TENM2: variants seen among roughly 807,000 people sequenced by gnomAD.
TENM2 encodes teneurin-2.
Under a neutral mutation model 245.2 loss-of-function variants are expected in TENM2, and 52 were observed. The observed-to-expected ratio is 0.21, with a 90% CI of 0.17 to 0.27. The LOEUF (loss-of-function observed/expected upper bound fraction) is 0.27. Among genes scored for constraint, TENM2 ranks in the 10% least tolerant of loss-of-function variants. The pLI is 1.00. For missense variants in TENM2, 3,046 were observed against 3,666.8 expected, an observed-to-expected ratio of 0.83 and a Z score of 4.37; for synonymous variants, 1,363 against 1,438.9, an observed-to-expected ratio of 0.95 and a Z score of 1.19.
At chr5:167,378,947 A>G (rs891347465) in intron 2 of TENM2, among the ~76,000 whole-genome samples, 4 of 151,286 alleles carry the variant, frequency 2.6e-5, no homozygotes, top group Non-Finnish European at 5.9e-5. Context: ...ACAAAAAAAC[A>G]AAAAACAAAG....
At chr5:167,200,303 A>G in the TENM2 span, among the ~76,000 whole-genome samples, 758 of 152,114 alleles carry the variant, frequency 5.0e-3, 6 homozygotes, top group African/African-American at 0.018. Flanking sequence ...TTTTCCCAGC[A>G]TGAGGGACCA....
At chr5:167,380,903 A>G (rs888530242) in intron 2 of TENM2, among the ~76,000 whole-genome samples, 19 of 152,112 alleles carry the variant, frequency 1.2e-4, no homozygotes, top group African/African-American at 4.3e-4. Flanking sequence ...CATTTTTTTA[A>G]GTTTAGTTGT....
At chr5:167,290,345 T>G (rs1416178655) in intron 1 of TENM2, among the ~76,000 whole-genome samples, 2 of 152,158 alleles carry the variant, frequency 1.3e-5, no homozygotes, top group Admixed American at 6.6e-5. Context: ...AGCTCTACCA[T>G]ATATAGGTAT....
the TENM2 span, among the ~76,000 whole-genome samples, chr5:167,248,122 A>C: frequency 6.6e-6 from 1 of 152,196 alleles, no homozygotes; most frequent in African/African-American, 2.4e-5. Context: ...AATGTTGTAG[A>C]TTTTAAAATA....
chr5:168,062,044 C>CTTTT lies in TENM2; in HGVS notation c.1310-7_1310-4dup. ...ACACGTCATTGACTGCTGTTTATTC[C>CTTTT]TTTTTTTTTTTTCAGTGCCCTGGTC... On this transcript the variant is annotated splice_polypyrimidine_tract_variant and intron_variant, in intron 6 of 28. Coordinates refer to ENST00000518659, the Ensembl canonical transcript of TENM2. 17 of 1,480,950 alleles carry CTTTT rather than the reference C, an allele frequency of 1.1e-5. No individual in the cohort carries two copies. The highest frequency in any genetic ancestry group is 2.4e-4 in the Middle Eastern group (1 of 4,198). 91.7% of individuals were successfully genotyped at this position (1,480,950 alleles called of 1,614,324 possible).
At chr5:167,250,171 A>G in the TENM2 span, among the ~76,000 whole-genome samples, 2 of 152,182 alleles carry the variant, frequency 1.3e-5, no homozygotes, top group East Asian at 3.9e-4. Context: ...GGAATAAAAG[A>G]TTAGCCAGCC....
intron 2 of TENM2, among the ~76,000 whole-genome samples, chr5:167,589,215 A>T (rs988101126): frequency 1.1e-4 from 17 of 151,468 alleles, no homozygotes; most frequent in Admixed American, 2.6e-4. Context: ...AAAAAAAAAA[A>T]TTAATGATAC....
At chr5:167,736,364 A>G (rs1016615303) in intron 2 of TENM2, among the ~76,000 whole-genome samples, 3 of 152,196 alleles carry the variant, frequency 2.0e-5, no homozygotes, top group African/African-American at 7.2e-5. Flanking sequence ...CAGCCAAATC[A>G]TATCACAAAG....
At chr5:167,049,655 G>A in the TENM2 span, among the ~76,000 whole-genome samples, 30 of 152,184 alleles carry the variant, frequency 2.0e-4, 1 homozygote, top group East Asian at 4.2e-3. Flanking sequence ...AGTTATTAAC[G>A]TTTATTGAAT....
At chr5:167,050,380 G>A in the TENM2 span, among the ~76,000 whole-genome samples, 1 of 152,084 alleles carries the variant, frequency 6.6e-6, no homozygotes, top group Non-Finnish European at 1.5e-5. Flanking sequence ...AGGTGGAACA[G>A]TTTCATTCCC....
intron 2 of TENM2, among the ~76,000 whole-genome samples, chr5:167,631,200 T>C (rs2127792614): frequency 1.3e-5 from 2 of 152,178 alleles, no homozygotes; most frequent in South Asian, 4.1e-4. Flanking sequence ...TGGCGATAAG[T>C]AAACACAATT....
At chr5:167,918,706 G>A (rs185248349) in intron 3 of TENM2, among the ~76,000 whole-genome samples, 66 of 151,938 alleles carry the variant, frequency 4.3e-4, no homozygotes, top group Middle Eastern at 3.4e-3. Context: ...AGACCAGTAA[G>A]CATTTGGCCA....
chr5:167,603,440 C>T (rs778020134), intron 2 of TENM2, among the ~76,000 whole-genome samples: 16 of 152,088 alleles, frequency 1.1e-4, no homozygotes, highest in Admixed American at 2.6e-4. Context: ...CCCAGCATTT[C>T]GAAAGGCCGA....
At chr5:166,992,876 A>G in the TENM2 span, among the ~76,000 whole-genome samples, 1 of 152,212 alleles carries the variant, frequency 6.6e-6, no homozygotes, top group African/African-American at 2.4e-5. Flanking sequence ...CCGCCACCTT[A>G]ACCACTTTTC....
intron 2 of TENM2, among the ~76,000 whole-genome samples, chr5:167,764,089 G>A (rs1189318551): frequency 6.6e-6 from 1 of 151,998 alleles, no homozygotes; most frequent in Non-Finnish European, 1.5e-5. Flanking sequence ...GGCAGACAGG[G>A]AGATGCTGAA....
At chr5:168,123,923 G>T (rs1795660485) in intron 10 of TENM2, among the ~76,000 whole-genome samples, 1 of 152,224 alleles carries the variant, frequency 6.6e-6, no homozygotes, top group Non-Finnish European at 1.5e-5. Flanking sequence ...AGATTGAATG[G>T]AGGTCCCAGG....
intron 1 of TENM2, among the ~76,000 whole-genome samples, chr5:167,337,086 C>T (rs1757813681): frequency 7.7e-6 from 1 of 130,584 alleles, no homozygotes; most frequent in East Asian, 2.4e-4. Context: ...CACTGCAGTC[C>T]GCAGTCCGGC....
intron 2 of TENM2, among the ~76,000 whole-genome samples, chr5:167,400,085 G>A (rs1762278215): frequency 6.6e-6 from 1 of 152,140 alleles, no homozygotes; most frequent in Non-Finnish European, 1.5e-5. Context: ...TACCATGGAA[G>A]CAAATGTGGG....
At chr5:167,932,897 A>T (rs910247908) in intron 3 of TENM2, among the ~76,000 whole-genome samples, 4 of 152,152 alleles carry the variant, frequency 2.6e-5, no homozygotes, top group African/African-American at 9.7e-5. Flanking sequence ...CCCACCAACC[A>T]TAGCAGCCTA....
Sources: gnomAD v4.1 joint callset for allele counts (sites outside exome capture counted in the v4.1 genomes callset) on GRCh38, gnomAD v4.1.1 for gene constraint, MANE v1.5 for transcripts, NCBI Gene and HGNC (gene_info 2026-07-23, HGNC 2026-07-21) for gene names.